The following MN1 variants were observed in gnomAD, a reference collection of about 807,000 sequenced individuals.
MN1 encodes the protein MN1 proto-oncogene, transcriptional regulator.
Under a neutral mutation model 86.9 loss-of-function variants are expected in MN1, and 19 were observed. That is an observed-to-expected ratio of 0.22 (90% CI 0.15 to 0.32). The LOEUF (loss-of-function observed/expected upper bound fraction) is 0.32, where lower values mean the gene tolerates loss of function less well. MN1 is among the 10% of genes least tolerant of loss of function. The pLI, the probability that MN1 is intolerant of heterozygous loss-of-function variation, is 1.00. For synonymous variants in MN1, 928 were observed against 849.6 expected, an observed-to-expected ratio of 1.09 and a Z score of -1.60; for missense variants, 1,841 against 1,862.0, an observed-to-expected ratio of 0.99 and a Z score of 0.21.
intron 1 of MN1, among the ~76,000 whole-genome samples, chr22:27,754,623 G>A (rs1932790677): frequency 2.6e-5 from 4 of 152,190 alleles, no homozygotes; most frequent in Admixed American, 2.0e-4. Flanking sequence ...CAGCTAGGGG[G>A]ACCTAACACG....
chr22:27,779,679 G>T (rs1466253039), intron 1 of MN1, among the ~76,000 whole-genome samples: 1 of 152,152 alleles, frequency 6.6e-6, no homozygotes, highest in Non-Finnish European at 1.5e-5. Context: ...TTTAATAACT[G>T]TAGCTTGTTA....
rs1449452450 is a variant in MN1 at position 27,800,105 on chromosome 22, G to T, written c.439C>A (p.Pro147Thr). Residue 147 changes from proline (P) to threonine (T), a missense_variant, in exon 1 of 2, where the codon CCG (proline) becomes ACG (threonine). Transcript: ENST00000302326. ...GGAAGGLGSQPPFAEGYEHMA... is the reference protein window; with the variant it reads ...GGAAGGLGSQTPFAEGYEHMA... Reference sequence around the variant, plus strand: ...TGCTCATAGCCCTCGGCGAAGGGCGGCTGGCTGCCCAGGCCTCCGGCTGCG... The same window carrying T: ...TGCTCATAGCCCTCGGCGAAGGGCGTCTGGCTGCCCAGGCCTCCGGCTGCG... The T allele has an allele frequency of 6.3e-7, 1 of 1,584,062 alleles. No individual in the cohort carries two copies. The highest frequency in any genetic ancestry group is 8.5e-7 in the Non-Finnish European group (1 of 1,170,496).
rs561562425 is a variant in MN1 at position 27,801,424 on chromosome 22, C to A, written c.-881G>T. 1.7e-3 allele frequency: 362 copies of A among 210,158 alleles called. No homozygotes were observed. Among genetic ancestry groups the A allele is most frequent in the African/African-American group, 7.8e-3 (344 of 43,932 alleles). 13.0% of individuals were successfully genotyped at this position (210,158 alleles called of 1,614,324 possible). On this transcript the variant is annotated 5_prime_UTR_variant, in exon 1 of 2. Transcript: ENST00000302326. ...GTCTGAGTTCGCCGGAGTCTCCGCG[C>A]ACCGTTGCAGGCGCGGGAGGGCAGC...
intron 1 of MN1, among the ~76,000 whole-genome samples, chr22:27,784,545 C>A (rs190074613): frequency 6.6e-6 from 1 of 152,268 alleles, no homozygotes; most frequent in African/African-American, 2.4e-5. Context: ...TAAAATGAAA[C>A]ATGCTCTTGT....
intron 1 of MN1, among the ~76,000 whole-genome samples, chr22:27,796,050 C>T (rs1484259339): frequency 6.6e-6 from 1 of 152,106 alleles, no homozygotes; most frequent in East Asian, 1.9e-4. Flanking sequence ...CGACCCCACC[C>T]CAGCACTCCC....
intron 1 of MN1, among the ~76,000 whole-genome samples, chr22:27,788,344 G>A (rs925404943): frequency 1.3e-5 from 2 of 152,100 alleles, no homozygotes; most frequent in African/African-American, 2.4e-5. Context: ...AAACTTGCAA[G>A]GACGCTTTCA....
In MN1 at chr22:27,798,541, G is replaced by A. The variant is rs201191310; in HGVS notation, c.2003C>T (p.Pro668Leu). ...PHDPSLAPPP[P>L]PGGSGVLFRG... ...GAACAGCACCCCCGAGCCACCAGGC[G>A]GAGGAGGGGGCGCCAGGCTGGGGTC... Residue 668 changes from proline to leucine, a missense_variant, in exon 1 of 2, where the codon CCG (proline) becomes CTG (leucine). Transcript: ENST00000302326. 7.2e-4 allele frequency: 1,088 copies of A among 1,519,686 alleles called. No homozygotes were observed. The highest frequency in any genetic ancestry group is 8.8e-4 in the Non-Finnish European group (1,010 of 1,144,002). The allele number at this position is 1,519,686 out of a possible 1,614,324, so 94.1% of individuals were successfully genotyped here. A position where few individuals can be genotyped will look rare whatever the true frequency, so the allele number is the denominator to read the frequency against.
In MN1 at chr22:27,797,898, C is replaced by G. The variant is rs377143717; in HGVS notation, c.2646G>C (p.Gly882=). The change falls in exon 1 of 2, where the codon GGG becomes GGC. Residue 882 remains glycine, a synonymous_variant. Coordinates refer to ENST00000302326, the MANE Select transcript of MN1 (RefSeq NM_002430.3). The part of the protein sequence containing the change: ...GNPGSDYFPG[G]TAPGAPGPGG... ...CGGGTCCTGGGGCCCCAGGAGCAGTCCCTCCTGGGAAGTAATCCGAGCCCG... is the reference window on the plus strand; with the variant it reads ...CGGGTCCTGGGGCCCCAGGAGCAGTGCCTCCTGGGAAGTAATCCGAGCCCG... 164 of 1,598,554 alleles carry G rather than the reference C, an allele frequency of 1.0e-4. No individual in the cohort carries two copies. Among genetic ancestry groups the G allele is most frequent in the Non-Finnish European group, 1.3e-4 (155 of 1,172,608 alleles).
rs183184678 is a variant in MN1 at position 27,757,579 on chromosome 22, G to A, written c.3782-6483C>T. Among the ~76,000 whole-genome samples, 166 of 152,296 alleles carry A rather than the reference G, an allele frequency of 1.1e-3. 1 individual carries two copies. The highest frequency in any genetic ancestry group is 2.5e-3 in the African/African-American group (103 of 41,562). On this transcript the variant is annotated intron_variant, in intron 1 of 1. Transcript: ENST00000302326. ...GATGACTCTCGCCCAACTCACCCTC[G>A]CTGGATTCCGACAAAGGGAAATGTA...
chr22:27,796,870 G>A lies in MN1; in HGVS notation c.3674C>T (p.Ala1225Val). 2 of 1,613,148 alleles carry A rather than the reference G, an allele frequency of 1.2e-6. No individual in the cohort carries two copies. Among genetic ancestry groups the A allele is most frequent in the South Asian group, 1.1e-5 (1 of 91,086 alleles). ...DLDSLMAEHS[A>V]AWYMPADKAL... ...CTTGTCAGCGGGCATGTACCAGGCA[G>A]CGCTGTGCTCTGCCATCAGCGAGTC... Residue 1225 changes from alanine (A) to valine (V), a missense_variant, in exon 1 of 2, where the codon GCT (alanine) becomes GTT (valine). Physicochemically the swap from Ala to Val is moderately conservative, Grantham distance 64. Transcript: ENST00000302326.
At chr22:27,761,718 C>T (rs1260592716) in intron 1 of MN1, among the ~76,000 whole-genome samples, 1 of 152,138 alleles carries the variant, frequency 6.6e-6, no homozygotes, top group South Asian at 2.1e-4. Flanking sequence ...GTCTGCAAGG[C>T]CCCCCCGTTC....
rs929075642 is a variant in MN1, at chr22:27,761,922, C to T, written c.3782-10826G>A. ...AGGCTGCAAGGGCATCATCGGAACC[C>T]GGCTGCCAGGAGCTGGGGGCAGGAC... On this transcript the variant is annotated intron_variant, in intron 1 of 1. Transcript: ENST00000302326. Among the ~76,000 whole-genome samples the T allele has an allele frequency of 2.6e-4, 40 of 152,110 alleles. 1 individual carries two copies. The highest frequency in any genetic ancestry group is 7.4e-5 in the Non-Finnish European group (5 of 68,010).
intron 1 of MN1, among the ~76,000 whole-genome samples, chr22:27,788,619 C>CTT (rs202009006): frequency 2.1e-5 from 3 of 143,014 alleles, no homozygotes; most frequent in Non-Finnish European, 3.1e-5. Context: ...AGGGTCATAT[C>CTT]TTTTTTTTTT....
rs574672260 is a variant in MN1, at chr22:27,778,714, G to A, written c.3781+18049C>T. Among the ~76,000 whole-genome samples, 71 of 152,318 alleles carry A rather than the reference G, an allele frequency of 4.7e-4. No individual in the cohort carries two copies. In the Middle Eastern group the frequency reaches 0.01, roughly 22 times the overall value. ...TTCCTGCACTGTCCTCCTCCCCGAG[G>A]TCTGGGACGTAAAATCTGACTCCAA... On this transcript the variant is annotated intron_variant, in intron 1 of 1. Transcript: ENST00000302326.
rs1405591173 is a variant in MN1, at chr22:27,797,581, C to T, written c.2963G>A (p.Gly988Glu). 3.8e-6 allele frequency: 6 copies of T among 1,599,622 alleles called. No homozygotes were observed. The highest frequency in any genetic ancestry group is 2.2e-5 in the East Asian group (1 of 44,554). ...CCCGCGCGTCTCGCCTGCGGAGCTT[C>T]CCCCGACGGCTGCGCCTGACGCTTG... ...QQQASGAAVG[G>E]SSAGETRGAP... Residue 988 changes from glycine to glutamate, a missense_variant, in exon 1 of 2, where the codon GGA (glycine) becomes GAA (glutamate). Physicochemically the swap from Gly to Glu is moderately conservative, Grantham distance 98. Coordinates refer to ENST00000302326, the MANE Select transcript of MN1 (RefSeq NM_002430.3).
rs770416151 is a variant in MN1, at chr22:27,799,782, C to A, written c.762G>T (p.Gly254=). The change falls in exon 1 of 2, where the codon GGG becomes GGT. Residue 254 remains glycine, a synonymous_variant. Coordinates refer to ENST00000302326, the MANE Select transcript of MN1 (RefSeq NM_002430.3). ...GACCCGCTGCATAATGAGGCAGCTGCCCTTCGGAGTCAGAGGGCGAAAACA... is the reference window on the plus strand; with the variant it reads ...GACCCGCTGCATAATGAGGCAGCTGACCTTCGGAGTCAGAGGGCGAAAACA... ...FDMFSPSDSE[G]QLPHYAAGRQ... is the part of the protein sequence containing the mutation. 57 of 1,593,242 alleles carry A rather than the reference C, an allele frequency of 3.6e-5. No individual in the cohort carries two copies. Among genetic ancestry groups the A allele is most frequent in the Non-Finnish European group, 4.0e-5 (47 of 1,168,716 alleles).
rs775180687 is a variant in MN1, at chr22:27,797,642, T to C, written c.2902A>G (p.Ser968Gly). 6 of 1,597,458 alleles carry C rather than the reference T, an allele frequency of 3.8e-6. No individual in the cohort carries two copies. Among genetic ancestry groups the C allele is most frequent in the Non-Finnish European group, 5.1e-6 (6 of 1,172,150 alleles). Reference protein sequence around the residue: ...FFDKYSAAPDSGGAPGVSPGQ... With the variant: ...FFDKYSAAPDGGGAPGVSPGQ... Reference sequence around the variant, plus strand: ...GGGCTCACCCCAGGTGCGCCCCCGCTGTCCGGAGCCGCCGAGTACTTGTCA... The same window carrying C: ...GGGCTCACCCCAGGTGCGCCCCCGCCGTCCGGAGCCGCCGAGTACTTGTCA... Residue 968 changes from serine to glycine, a missense_variant, in exon 1 of 2, where the codon AGC becomes GGC. Physicochemically the swap from Ser to Gly is moderately conservative, Grantham distance 56 (BLOSUM62 0). Coordinates refer to ENST00000302326, the MANE Select transcript of MN1 (RefSeq NM_002430.3).
chr22:27,796,737 T>A (rs766999288), intron 1 of MN1, 26 bp downstream of exon 1: 1 of 1,555,512 alleles, frequency 6.4e-7, no homozygotes, highest in African/African-American at 1.3e-5. Flanking sequence ...ACCCGGGAAG[T>A]GAGAGGAAAA....
intron 1 of MN1, among the ~76,000 whole-genome samples, chr22:27,770,258 A>G (rs538128449): frequency 2.0e-5 from 3 of 152,326 alleles, no homozygotes; most frequent in East Asian, 3.9e-4. Flanking sequence ...GAACCACTGA[A>G]AGGATGATGG....
Sources: allele counts gnomAD v4.1 joint callset (sites outside exome capture counted in the v4.1 genomes callset), GRCh38; gene constraint gnomAD v4.1.1; transcripts MANE v1.5; gene names NCBI Gene and HGNC (gene_info 2026-07-23, HGNC 2026-07-21).